Variants in SEM1 observed in about 807,000 individuals in gnomAD.
SEM1 encodes the protein SEM1 26S proteasome subunit.
Under a neutral mutation model 12.7 loss-of-function variants are expected in SEM1, and 3 were observed. The ratio of observed to expected loss-of-function variants is 0.24; its 90% CI spans 0.11 to 0.61. The LOEUF (loss-of-function observed/expected upper bound fraction) is 0.61. SEM1 is among the 20% of genes least tolerant of loss of function. The pLI, the probability that SEM1 is intolerant of heterozygous loss-of-function variation, is 0.88. For synonymous variants in SEM1, 30 were observed against 27.8 expected (o/e 1.08, Z -0.25); for missense variants, 59 against 81.3 (o/e 0.73, Z 1.06).
chr7:96,612,707 C>T (rs1268651803), intron 2 of SEM1, among the ~76,000 whole-genome samples: 1 of 152,180 alleles, frequency 6.6e-6, no homozygotes, highest in Non-Finnish European at 1.5e-5. Context: ...GCAATCTCAG[C>T]TCACTGCAAG....
At chr7:96,594,061 T>C (rs1262347167) in intron 2 of SEM1, among the ~76,000 whole-genome samples, 1 of 152,200 alleles carries the variant, frequency 6.6e-6, no homozygotes, top group African/African-American at 2.4e-5. Flanking sequence ...GTCCATTATG[T>C]AGATATGTAA....
At chr7:96,592,915 C>T (rs182298195) in intron 2 of SEM1, among the ~76,000 whole-genome samples, 1 of 150,516 alleles carries the variant, frequency 6.6e-6, no homozygotes, top group Non-Finnish European at 1.5e-5. Context: ...CAAAAGCAAC[C>T]CTTCTTGTCT....
intron 2 of SEM1, among the ~76,000 whole-genome samples, chr7:96,520,721 A>C (rs1290831256): frequency 6.6e-6 from 1 of 152,146 alleles, no homozygotes; most frequent in African/African-American, 2.4e-5. Context: ...CTTTTGGAAC[A>C]GAAATAAAAG....
chr7:96,687,922 T>C (rs1289949746), downstream of SEM1: 1 of 152,144 alleles, frequency 6.6e-6, no homozygotes, highest in African/African-American at 2.4e-5. Flanking sequence ...ATGCTTGTCT[T>C]AAAAACAGAA....
chr7:96,506,440 T>C (rs1803756350), intron 3 of SEM1, among the ~76,000 whole-genome samples: 1 of 152,132 alleles, frequency 6.6e-6, no homozygotes, highest in South Asian at 2.1e-4. Flanking sequence ...CTTTTCTTGG[T>C]TATTATATAT....
At chr7:96,486,165 CTT>C (rs61271460) in intron 2 of SEM1, 605 of 1,148,700 alleles carry the variant, frequency 5.3e-4, no homozygotes, top group Non-Finnish European at 6.0e-4. Flanking sequence ...TTTTTTCTAC[CTT>C]TTTTTTTTTT....
At chr7:96,612,205 T>C (rs1807561242) in intron 2 of SEM1, among the ~76,000 whole-genome samples, 1 of 152,174 alleles carries the variant, frequency 6.6e-6, no homozygotes, top group Non-Finnish European at 1.5e-5. Context: ...CTCAGAGCAA[T>C]TAATAGGCCT....
chr7:96,651,485 A>G (rs532054709), intron 2 of SEM1, among the ~76,000 whole-genome samples: 162 of 152,316 alleles, frequency 1.1e-3, no homozygotes, highest in African/African-American at 3.8e-3. Context: ...ATCTCTATTC[A>G]TAGGTAAAAG....
intron 1 of SEM1, among the ~76,000 whole-genome samples, chr7:96,699,493 A>G (rs1790203608): frequency 6.6e-6 from 1 of 152,250 alleles, no homozygotes; most frequent in Admixed American, 6.5e-5. Flanking sequence ...GATTAAGTCC[A>G]AACTGGTCAG....
chr7:96,564,516 T>TA (rs1366521201), intron 2 of SEM1, among the ~76,000 whole-genome samples: 2 of 152,118 alleles, frequency 1.3e-5, no homozygotes, highest in Non-Finnish European at 2.9e-5. Context: ...GTGGTATGTT[T>TA]ACTTGTTAAA....
Position 96,557,485 on chromosome 7 carries a change from C to T in SEM1, c.171-50787G>A, listed in dbSNP as rs553465600. On this transcript the variant is annotated intron_variant and NMD_transcript_variant, in intron 2 of 3. Coordinates refer to the SEM1 transcript ENST00000466986. ...TCAGTGTGCCCCTGCTGGGGGGTGC[C>T]TCCCAGTTAGGCTGCTCGGGGGTCA... is the stretch of plus-strand genomic sequence containing the variant. 5.8e-3 allele frequency among the ~76,000 whole-genome samples: 576 copies of T among 99,126 alleles called. 7 individuals are homozygous for T. Among genetic ancestry groups the T allele is most frequent in the African/African-American group, 0.015 (547 of 35,478 alleles). The allele number at this position is 99,126 out of a possible 152,430, so 65.0% of individuals were successfully genotyped here.
intron 2 of SEM1, chr7:96,650,274 C>A (rs981922159): frequency 2.9e-5 from 13 of 450,982 alleles, no homozygotes; most frequent in Non-Finnish European, 4.3e-5. Context: ...TGGGAAATTC[C>A]GCTGCACAAG....
chr7:96,509,547 T>C (rs1373267996), intron 2 of SEM1, among the ~76,000 whole-genome samples: 1 of 152,150 alleles, frequency 6.6e-6, no homozygotes, highest in East Asian at 1.9e-4. Context: ...GACCTCATGT[T>C]CAAAATGCTA....
At chr7:96,485,641 C>G (rs1183085615) in intron 2 of SEM1, among the ~76,000 whole-genome samples, 1 of 137,838 alleles carries the variant, frequency 7.3e-6, no homozygotes, top group African/African-American at 2.7e-5. Flanking sequence ...CTCCTGGGTT[C>G]AAGTGATTAT....
At chr7:96,529,617 T>TA (rs11442837) in intron 2 of SEM1, among the ~76,000 whole-genome samples, 42,613 of 150,402 alleles carry the variant, frequency 0.28, 6,397 homozygotes, top group African/African-American at 0.39. Context: ...CAGCTCTTGA[T>TA]AAAAAAAAAA....
chr7:96,495,080 G>A (rs1240439994), intron 1 of SEM1, among the ~76,000 whole-genome samples: 1 of 147,976 alleles, frequency 6.8e-6, no homozygotes, highest in Non-Finnish European at 1.5e-5. Flanking sequence ...AAGAGGGAAA[G>A]AGAGAGGGTG....
At chr7:96,505,098 C>T (rs1010064881) in intron 3 of SEM1, among the ~76,000 whole-genome samples, 2 of 151,416 alleles carry the variant, frequency 1.3e-5, no homozygotes, top group African/African-American at 4.9e-5. Context: ...AGTTATCTAT[C>T]TATTTATTTA....
At chr7:96,577,793 C>A (rs1806254207) in intron 2 of SEM1, among the ~76,000 whole-genome samples, 1 of 150,038 alleles carries the variant, frequency 6.7e-6, no homozygotes, top group Non-Finnish European at 1.5e-5. Flanking sequence ...AATGTGAGAT[C>A]AAAATTTAAA....
At chr7:96,581,739 A>C (rs1384477097) in intron 2 of SEM1, among the ~76,000 whole-genome samples, 3 of 152,022 alleles carry the variant, frequency 2.0e-5, no homozygotes, top group African/African-American at 7.2e-5. Context: ...AGCAACTGTG[A>C]ATGGGAGTTC....
Sources: allele counts gnomAD v4.1 joint callset (sites outside exome capture counted in the v4.1 genomes callset), GRCh38; gene constraint gnomAD v4.1.1; transcripts MANE v1.5; gene names NCBI Gene and HGNC (gene_info 2026-07-23, HGNC 2026-07-21).